PFKFB3: variants seen among roughly 807,000 people sequenced by gnomAD.
PFKFB3 encodes the protein 6-phosphofructo-2-kinase/fructose-2,6-bisphosphatase 3.
A neutral mutation model predicts 68.0 loss-of-function variants in PFKFB3; 33 were observed. The ratio of observed to expected loss-of-function variants is 0.49; its 90% CI spans 0.37 to 0.65. PFKFB3 has a LOEUF of 0.65. PFKFB3 is among the 30% of genes least tolerant of loss of function. The pLI, the probability that PFKFB3 is intolerant of heterozygous loss-of-function variation, is 0.00. For synonymous variants in PFKFB3, 315 were observed against 288.2 expected (o/e 1.09, Z -0.94); for missense variants, 586 against 712.2 (o/e 0.82, Z 2.02).
At chr10:6,249,326 G>C (rs1449420781) in intron 14 of PFKFB3, among the ~76,000 whole-genome samples, 1 of 151,838 alleles carries the variant, frequency 6.6e-6, no homozygotes, top group Non-Finnish European at 1.5e-5. Context: ...ATATGATCTA[G>C]CAATCTCACT....
Position 6,172,054 on chromosome 10 carries a change from G to A in PFKFB3, c.16+27041G>A, listed in dbSNP as rs576929121. Among the ~76,000 whole-genome samples, 15 of 152,300 alleles carry A rather than the reference G, an allele frequency of 9.8e-5. No individual in the cohort carries two copies. In the South Asian group the frequency reaches 1.9e-3, roughly 19 times the overall value. The stretch of plus-strand genomic sequence containing the variant: ...GAGTCTTAGTCATGGAGGGAAACCC[G>A]AAAACCACCGGTGTCCGGGACAGAT... On this transcript the variant is annotated intron_variant, in intron 1 of 14. Coordinates refer to the PFKFB3 transcript ENST00000379789.
chr10:6,164,334 G>C (rs1842065063), intron 1 of PFKFB3, among the ~76,000 whole-genome samples: 1 of 152,210 alleles, frequency 6.6e-6, no homozygotes, highest in Non-Finnish European at 1.5e-5. Context: ...TCATGAACAG[G>C]GCCTGCGGTG....
downstream of PFKFB3, among the ~76,000 whole-genome samples, chr10:6,255,929 C>A (rs900829447): frequency 1.3e-5 from 2 of 152,168 alleles, no homozygotes; most frequent in African/African-American, 4.8e-5. Context: ...GACATTCACC[C>A]GGTTCCTCCT....
chr10:6,151,517 G>C (rs1841586191), intron 1 of PFKFB3, among the ~76,000 whole-genome samples: 1 of 152,192 alleles, frequency 6.6e-6, no homozygotes, highest in East Asian at 1.9e-4. Context: ...ACCTCTGTTT[G>C]AGGGGTGACT....
chr10:6,246,975 C>T (rs1451319477), intron 14 of PFKFB3, among the ~76,000 whole-genome samples: 4 of 152,340 alleles, frequency 2.6e-5, no homozygotes, highest in South Asian at 2.1e-4. Context: ...GGCGCCCTTG[C>T]CCTGTGGGTC....
At position 6,229,340 on chromosome 10, in the gene PFKFB3, C is replaced by T. The variant is rs1029835896; in HGVS notation, c.1515+2975C>T. On this transcript the variant is annotated intron_variant, in intron 14 of 14. Transcript: ENST00000379775. This position sits in a 1 kb window ranked among gnomAD's most constrained non-coding sequence, Gnocchi z 4.3. The stretch of plus-strand genomic sequence containing the variant: ...GGGGCTGAGTGACCGGCCCGTGCTT[C>T]CAGCAGGTGAGCCGCAGAGCCGGGG... 2.0e-5 allele frequency among the ~76,000 whole-genome samples: 3 copies of T among 152,208 alleles called. No homozygotes were observed. Among genetic ancestry groups the T allele is most frequent in the Admixed American group, 1.3e-4 (2 of 15,282 alleles).
the PFKFB3 span, among the ~76,000 whole-genome samples, chr10:6,311,524 G>A: frequency 1.2e-3 from 184 of 152,074 alleles, 1 homozygote; most frequent in African/African-American, 4.2e-3. Flanking sequence ...TGGGGCAGGC[G>A]AATCACTTGA....
At chr10:6,317,334 C>A in the PFKFB3 span, among the ~76,000 whole-genome samples, 1 of 152,138 alleles carries the variant, frequency 6.6e-6, no homozygotes, top group Admixed American at 6.5e-5. Flanking sequence ...TGGTAATGAA[C>A]CTTCATAAAG....
the PFKFB3 span, among the ~76,000 whole-genome samples, chr10:6,289,128 C>G: frequency 1.4e-5 from 2 of 142,884 alleles, no homozygotes; most frequent in African/African-American, 5.2e-5. Context: ...GAGTAGGTTG[C>G]GAAAATTTTC....
chr10:6,255,122 CTG>C (rs1304129709), downstream of PFKFB3, among the ~76,000 whole-genome samples: 1 of 143,418 alleles, frequency 7.0e-6, no homozygotes, highest in Non-Finnish European at 1.5e-5. Context: ...TGGCCAATCT[CTG>C]TTTCTTTTCT....
At chr10:6,146,242 A>T (rs1300738154) in intron 1 of PFKFB3, 1 of 1,448,134 alleles carries the variant, frequency 6.9e-7, no homozygotes, top group Non-Finnish European at 9.1e-7. Flanking sequence ...ACTCAGAGGC[A>T]CGGCCAGCGT....
intron 1 of PFKFB3, among the ~76,000 whole-genome samples, chr10:6,192,139 TACACACACACACACAC>T (rs60638987): frequency 2.9e-4 from 34 of 119,136 alleles, no homozygotes; most frequent in South Asian, 8.6e-4. Context: ...CATTCCCCAA[TACACACACACACACAC>T]ACACACACAC....
At chr10:6,224,442 C>T (rs1487484321) in intron 13 of PFKFB3, 3 of 637,720 alleles carry the variant, frequency 4.7e-6, no homozygotes, top group Non-Finnish European at 5.6e-6. Context: ...CCCATTTCTG[C>T]TGAGCTCGAG....
At chr10:6,243,251 G>T (rs1846180905) in intron 14 of PFKFB3, among the ~76,000 whole-genome samples, 1 of 152,186 alleles carries the variant, frequency 6.6e-6, no homozygotes. Context: ...GTAATCCTCG[G>T]AACTGCCGCA....
At chr10:6,320,695 A>G in the PFKFB3 span, among the ~76,000 whole-genome samples, 6,393 of 152,146 alleles carry the variant, frequency 0.042, 445 homozygotes, top group African/African-American at 0.14. Context: ...AAAGTGCTGC[A>G]ATTGCAGGCC....
chr10:6,199,399 T>C (rs1036057897), upstream of PFKFB3, among the ~76,000 whole-genome samples: 1 of 152,020 alleles, frequency 6.6e-6, no homozygotes, highest in African/African-American at 2.4e-5. Flanking sequence ...AAGGTGATCC[T>C]GGAGAAAAAC....
chr10:6,151,833 C>T (rs1316453699), intron 1 of PFKFB3, among the ~76,000 whole-genome samples: 1 of 152,102 alleles, frequency 6.6e-6, no homozygotes, highest in African/African-American at 2.4e-5. Flanking sequence ...GAAAGCTGGT[C>T]CTCAGTGCCA....
chr10:6,154,873 G>A lies in PFKFB3; in HGVS notation c.16+9860G>A, dbSNP rs1475378614. ...CCTGGGTTGTAGTGAGCTGCGGGGA[G>A]CCCGCACTGCCACAGCAGCTGCACC... On this transcript the variant is annotated intron_variant, in intron 1 of 14. Transcript: ENST00000379789. The surrounding 1 kb of genome is among the most constrained non-coding windows in gnomAD (Gnocchi z 4.6). 6.6e-6 allele frequency among the ~76,000 whole-genome samples: 1 copy of A among 152,218 alleles called. No individual in the cohort carries two copies. Among genetic ancestry groups the A allele is most frequent in the East Asian group, 1.9e-4 (1 of 5,192 alleles).
the PFKFB3 span, among the ~76,000 whole-genome samples, chr10:6,280,430 G>A: frequency 0.082 from 12,481 of 152,174 alleles, 1,720 homozygotes; most frequent in African/African-American, 0.28. Flanking sequence ...CTCGCCTGAC[G>A]GTGGGAGGAA....
Sources: gnomAD v4.1 joint callset for allele counts (sites outside exome capture counted in the v4.1 genomes callset) on GRCh38, gnomAD v4.1.1 for gene constraint, Gnocchi (gnomAD v3.1) non-coding constraint, MANE v1.5 for transcripts, NCBI Gene and HGNC (gene_info 2026-07-23, HGNC 2026-07-21) for gene names.